PEPD: variants seen among roughly 807,000 people sequenced by gnomAD.
PEPD encodes peptidase D.
A neutral mutation model predicts 60.7 loss-of-function variants in PEPD; 53 were observed. That is an observed-to-expected ratio of 0.87 (90% CI 0.70 to 1.10). The LOEUF (loss-of-function observed/expected upper bound fraction) is 1.10. Ranked by LOEUF, PEPD falls within the 50% of genes least tolerant of loss-of-function variation. PEPD has a pLI of 0.00. For missense variants in PEPD, 711 were observed against 711.9 expected (o/e 1.00, Z 0.01); for synonymous variants, 267 against 284.1 (o/e 0.94, Z 0.60).
At chr19:33,461,360 G>A (rs1178689820) in intron 9 of PEPD, among the ~76,000 whole-genome samples, 7 of 152,074 alleles carry the variant, frequency 4.6e-5, no homozygotes, top group Non-Finnish European at 8.8e-5. Flanking sequence ...AAGGAACGGC[G>A]GGTATTCCAG....
chr19:33,411,774 T>G (rs1467973787), intron 10 of PEPD, 25 bp from the exon 11 acceptor site: 1 of 1,445,368 alleles, frequency 6.9e-7, no homozygotes, highest in Non-Finnish European at 9.7e-7. Context: ...GGGAGGGTGA[T>G]CAAAGCCCAT....
chr19:33,480,440 G>A (rs1198550099), intron 6 of PEPD, among the ~76,000 whole-genome samples: 3 of 152,202 alleles, frequency 2.0e-5, no homozygotes, highest in African/African-American at 7.2e-5. Flanking sequence ...ACAATAGTTG[G>A]AGACGTCAAT....
chr19:33,517,685 G>A (rs1448715882), intron 1 of PEPD, among the ~76,000 whole-genome samples: 2 of 150,856 alleles, frequency 1.3e-5, no homozygotes, highest in Non-Finnish European at 3.0e-5. Context: ...TGGAGCCACT[G>A]GCCAGGTGCG....
intron 9 of PEPD, among the ~76,000 whole-genome samples, chr19:33,422,471 TATC>T (rs1299965298): frequency 6.6e-6 from 1 of 151,184 alleles, no homozygotes; most frequent in African/African-American, 2.4e-5. Context: ...TCTATCACTC[TATC>T]ATCTACCTAT....
At chr19:33,409,362 T>C (rs77612986) in intron 11 of PEPD, among the ~76,000 whole-genome samples, 5,799 of 152,262 alleles carry the variant, frequency 0.038, 322 homozygotes, top group African/African-American at 0.12. Flanking sequence ...GCTACAGGGT[T>C]AAAGAGCTTT....
intron 9 of PEPD, among the ~76,000 whole-genome samples, chr19:33,461,903 TG>T (rs1326239140): frequency 6.6e-6 from 1 of 152,228 alleles, no homozygotes; most frequent in East Asian, 1.9e-4. Context: ...GCCAAGCACC[TG>T]GGTCAGGCCA....
intron 9 of PEPD, among the ~76,000 whole-genome samples, chr19:33,444,270 G>T (rs1783414213): frequency 6.7e-6 from 1 of 149,918 alleles, no homozygotes. Flanking sequence ...GCCAGGCTGG[G>T]ACAGAAAGCG....
intron 9 of PEPD, among the ~76,000 whole-genome samples, chr19:33,451,034 G>A (rs1224285906): frequency 1.3e-5 from 2 of 152,216 alleles, no homozygotes; most frequent in Non-Finnish European, 2.9e-5. Context: ...AATTAAAAGT[G>A]GGTATAAATA....
At chr19:33,405,832 G>C (rs1968608022) in intron 11 of PEPD, among the ~76,000 whole-genome samples, 1 of 152,220 alleles carries the variant, frequency 6.6e-6, no homozygotes, top group Admixed American at 6.5e-5. Flanking sequence ...CACTCCTCCA[G>C]GGCCTCGGCA....
Position 33,421,575 on chromosome 19 carries a change from C to T in PEPD, c.672-7932G>A, listed in dbSNP as rs142896266. On this transcript the variant is annotated intron_variant, in intron 9 of 14. Transcript: ENST00000244137. Reference sequence around the variant, plus strand: ...GTGCAATCACAGCTCACTGCAGGCTCAAAGTCCTGGGCTCAAGTGATTCTC... The same window carrying T: ...GTGCAATCACAGCTCACTGCAGGCTTAAAGTCCTGGGCTCAAGTGATTCTC... Among the ~76,000 whole-genome samples, 494 of 152,316 alleles carry T rather than the reference C, an allele frequency of 3.2e-3. 2 individuals carry two copies. The highest frequency in any genetic ancestry group is 0.011 in the African/African-American group (471 of 41,562).
At chr19:33,505,959 ACT>A (rs1168257881) in intron 3 of PEPD, among the ~76,000 whole-genome samples, 1 of 131,472 alleles carries the variant, frequency 7.6e-6, no homozygotes, top group Non-Finnish European at 1.6e-5. Flanking sequence ...AATACACCAC[ACT>A]CACACCCACA....
intron 9 of PEPD, among the ~76,000 whole-genome samples, chr19:33,447,147 AG>A (rs1969609058): frequency 6.6e-6 from 1 of 152,210 alleles, no homozygotes; most frequent in African/African-American, 2.4e-5. Context: ...TTCTATCCCC[AG>A]GTGCAGACAT....
intron 7 of PEPD, among the ~76,000 whole-genome samples, chr19:33,466,272 T>C (rs1420886872): frequency 1.3e-5 from 2 of 152,098 alleles, no homozygotes; most frequent in South Asian, 2.1e-4. Flanking sequence ...AAAACAGATA[T>C]ATGTATGAAG....
intron 9 of PEPD, among the ~76,000 whole-genome samples, chr19:33,424,424 T>C (rs937940379): frequency 3.9e-5 from 6 of 152,372 alleles, no homozygotes; most frequent in East Asian, 1.9e-4. Flanking sequence ...ACAAGCACCA[T>C]TGGCCAACTG....
At position 33,427,762 on chromosome 19, in the gene PEPD, G is replaced by A. The variant is rs112207524; in HGVS notation, c.672-14119C>T. ...TCTTGTTTTTAAATATACATTATACGAAGCCAATAATTAGAAGAATTTGTG... is the reference window on the plus strand; with the variant it reads ...TCTTGTTTTTAAATATACATTATACAAAGCCAATAATTAGAAGAATTTGTG... On this transcript the variant is annotated intron_variant, in intron 9 of 14. Coordinates refer to ENST00000244137, the MANE Select transcript of PEPD (RefSeq NM_000285.4). 1.9e-3 allele frequency among the ~76,000 whole-genome samples: 289 copies of A among 152,216 alleles called. 2 individuals are homozygous for A. The highest frequency in any genetic ancestry group is 3.7e-3 in the African/African-American group (154 of 41,520).
chr19:33,493,206 C>A lies in PEPD; in HGVS notation c.441+84G>T, dbSNP rs1300698023. The A allele has an allele frequency of 4.1e-6, 4 of 971,674 alleles. No homozygotes were observed. In the East Asian group the frequency reaches 1.0e-4, roughly 25 times the overall value. 60.2% of individuals were successfully genotyped at this position (971,674 alleles called of 1,614,324 possible). On this transcript the variant is annotated intron_variant, in intron 5 of 14. Transcript: ENST00000244137. The stretch of plus-strand genomic sequence containing the variant: ...CCGTTTTTTAATCCTCCCCTATGGG[C>A]CCGACCTCTGCAGGAGAGGTGGCCC...
At chr19:33,436,276 G>C (rs1366866577) in intron 9 of PEPD, among the ~76,000 whole-genome samples, 2 of 152,022 alleles carry the variant, frequency 1.3e-5, no homozygotes, top group Non-Finnish European at 2.9e-5. Context: ...GGAGGAGTGA[G>C]AAGAGAAAGA....
chr19:33,439,607 G>C (rs1453620446), intron 9 of PEPD, among the ~76,000 whole-genome samples: 1 of 152,176 alleles, frequency 6.6e-6, no homozygotes, highest in Non-Finnish European at 1.5e-5. Context: ...AGCTCCTTGG[G>C]AGCTCTCAGC....
At chr19:33,509,105 C>G (rs1399615677) in intron 3 of PEPD, among the ~76,000 whole-genome samples, 1 of 152,244 alleles carries the variant, frequency 6.6e-6, no homozygotes, top group Admixed American at 6.5e-5. Context: ...CACACCAGCA[C>G]GCTGAGCCAT....
Sources: gnomAD v4.1 joint callset for allele counts (sites outside exome capture counted in the v4.1 genomes callset) on GRCh38, gnomAD v4.1.1 for gene constraint, MANE v1.5 for transcripts, NCBI Gene and HGNC (gene_info 2026-07-23, HGNC 2026-07-21) for gene names.